Variants in UNC80 observed in about 807,000 individuals in gnomAD.
UNC80 encodes protein unc-80 homolog.
A neutral mutation model predicts 384.6 loss-of-function variants in UNC80; 164 were observed. The observed-to-expected ratio is 0.43, with a 90% confidence interval of 0.38 to 0.49. The LOEUF (loss-of-function observed/expected upper bound fraction) is 0.49, where lower values mean the gene tolerates loss of function less well. UNC80 is among the 20% of genes least tolerant of loss of function. The pLI, the probability that UNC80 is intolerant of heterozygous loss-of-function variation, is 0.00. For missense variants in UNC80, 3,330 were observed against 4,143.0 expected (o/e 0.80, Z 5.39); for synonymous variants, 1,486 against 1,527.8 (o/e 0.97, Z 0.64).
At chr2:209,842,145 C>T (rs919776603) in intron 20 of UNC80, among the ~76,000 whole-genome samples, 1 of 152,126 alleles carries the variant, frequency 6.6e-6, no homozygotes, top group Non-Finnish European at 1.5e-5. Context: ...GACCTGGTTC[C>T]TCCTTTTAGT....
In UNC80 at chr2:209,921,699, C is replaced by T; in HGVS notation, c.5530+13C>T. The T allele has an allele frequency of 6.5e-7, 1 of 1,529,678 alleles. No homozygotes were observed. The highest frequency in any genetic ancestry group is 8.8e-7 in the Non-Finnish European group (1 of 1,138,304). 94.8% of individuals were successfully genotyped at this position (1,529,678 alleles called of 1,614,324 possible). On this transcript the variant is annotated intron_variant, in intron 34 of 64. Coordinates refer to ENST00000673920, the MANE Select transcript of UNC80 (RefSeq NM_001371986.1). ...CCGGAAGAAGAAGGTGCCCTCTGCA[C>T]ACAGGACTTCTTGGGGGGCTGAGTC...
intron 25 of UNC80, among the ~76,000 whole-genome samples, chr2:209,886,537 T>G (rs1399436484): frequency 6.6e-6 from 1 of 152,206 alleles, no homozygotes; most frequent in African/African-American, 2.4e-5. Flanking sequence ...ACCAAACTTC[T>G]ATTAAGTAAT....
chr2:209,975,252 A>G (rs975497859), intron 56 of UNC80, among the ~76,000 whole-genome samples: 4 of 152,238 alleles, frequency 2.6e-5, no homozygotes, highest in Non-Finnish European at 4.4e-5. Flanking sequence ...AGAATGATCA[A>G]GAAGACCCAG....
At chr2:209,931,106 G>T in intron 38 of UNC80, 52 bp downstream of exon 38, 2 of 1,331,168 alleles carry the variant, frequency 1.5e-6, no homozygotes, top group Non-Finnish European at 2.1e-6. Flanking sequence ...TGATGAAAAG[G>T]TCTTAGAAGA....
intron 22 of UNC80, among the ~76,000 whole-genome samples, chr2:209,860,133 G>T (rs2083244275): frequency 6.6e-6 from 1 of 152,086 alleles, no homozygotes; most frequent in Non-Finnish European, 1.5e-5. Context: ...GTATTGCCTA[G>T]GTTTTCTTCT....
Position 209,888,277 on chromosome 2 carries a change from G to C in UNC80, c.4276+17G>C, listed in dbSNP as rs1422148853. On this transcript the variant is annotated intron_variant, in intron 26 of 64. Transcript: ENST00000673920. The stretch of plus-strand genomic sequence containing the variant: ...AGAAGAAAGGTATGGAAACACAAAG[G>C]TTCCTTCATGTTTCAGGGTTTCTTG... 5 of 1,550,654 alleles carry C rather than the reference G, an allele frequency of 3.2e-6. No homozygotes were observed. The highest frequency in any genetic ancestry group is 2.7e-5 in the African/African-American group (2 of 73,060).
intron 19 of UNC80, 81 bp from the exon 20 acceptor site, chr2:209,840,461 G>T: frequency 8.4e-7 from 1 of 1,197,140 alleles, no homozygotes; most frequent in Non-Finnish European, 1.2e-6. Context: ...TTCATCGCTT[G>T]TTGGGCTTAT....
chr2:209,988,770 G>A (rs13015354), intron 61 of UNC80, among the ~76,000 whole-genome samples: 9,326 of 152,130 alleles, frequency 0.061, 343 homozygotes, highest in Middle Eastern at 0.14. Context: ...GGTTTTTGTA[G>A]ATAATATGGG....
chr2:209,921,793 C>G (rs1197127681), intron 34 of UNC80, 107 bp downstream of exon 34: 1 of 1,239,864 alleles, frequency 8.1e-7, no homozygotes, highest in East Asian at 2.6e-5. Flanking sequence ...ATGCCCCCTT[C>G]CATCTCTCTC....
At chr2:209,898,177 C>A (rs1481375731) in intron 28 of UNC80, among the ~76,000 whole-genome samples, 1 of 151,916 alleles carries the variant, frequency 6.6e-6, no homozygotes, top group Non-Finnish European at 1.5e-5. Flanking sequence ...ACCAGATTTT[C>A]ATTTTGTCAT....
chr2:209,992,340 C>A, intron 62 of UNC80, 93 bp downstream of exon 62: 2 of 1,232,568 alleles, frequency 1.6e-6, no homozygotes, highest in Non-Finnish European at 2.3e-6. Flanking sequence ...TATTTTGCTG[C>A]TGGACGTGCC....
Position 209,886,039 on chromosome 2 carries a change from AG to A in UNC80, c.4111-2054del, listed in dbSNP as rs1283544831. On this transcript the variant is annotated intron_variant, in intron 25 of 64. Transcript: ENST00000673920. The stretch of plus-strand genomic sequence containing the variant: ...TGGCCTCTCAAACTGCTGGGATTAC[AG>A]GTGTGAGCCACTGTGCCCAGCCTAA... Among the ~76,000 whole-genome samples, 7 of 152,184 alleles carry A rather than the reference AG, an allele frequency of 4.6e-5. No individual in the cohort carries two copies. In the East Asian group the frequency reaches 1.3e-3, roughly 29 times the overall value.
At chr2:209,914,167 C>T (rs1306415128) in intron 31 of UNC80, among the ~76,000 whole-genome samples, 1 of 152,206 alleles carries the variant, frequency 6.6e-6, no homozygotes, top group Non-Finnish European at 1.5e-5. Flanking sequence ...ATGTCTCTCT[C>T]AGGGTGTTAC....
intron 22 of UNC80, among the ~76,000 whole-genome samples, chr2:209,858,782 CTATT>C (rs145771586): frequency 0.019 from 2,890 of 150,330 alleles, 92 homozygotes; most frequent in African/African-American, 0.067. Flanking sequence ...AAAATTTAGT[CTATT>C]TGTGCAGATT....
chr2:209,815,745 A>G (rs1032332474), intron 9 of UNC80, among the ~76,000 whole-genome samples: 5 of 152,222 alleles, frequency 3.3e-5, no homozygotes, highest in Admixed American at 2.0e-4. Context: ...CTTTATATAA[A>G]TAGTTCTCAT....
At position 209,992,000 on chromosome 2, in the gene UNC80, C is replaced by T. The variant is rs541037394; in HGVS notation, c.9315-166C>T. Among the ~76,000 whole-genome samples the T allele has an allele frequency of 3.9e-5, 6 of 152,292 alleles. No homozygotes were observed. The East Asian group carries it at 1.2e-3, about 29-fold the overall frequency. On this transcript the variant is annotated intron_variant, in intron 61 of 64. Coordinates refer to ENST00000673920, the MANE Select transcript of UNC80 (RefSeq NM_001371986.1). Reference sequence around the variant, plus strand: ...GGGGCTACAAGGCCTTGTCCTCCCTCCCAAACATTTGAAAACACCCATCCC... The same window carrying T: ...GGGGCTACAAGGCCTTGTCCTCCCTTCCAAACATTTGAAAACACCCATCCC...
chr2:209,811,332 C>T (rs980688674), intron 7 of UNC80, among the ~76,000 whole-genome samples: 1 of 152,106 alleles, frequency 6.6e-6, no homozygotes, highest in Non-Finnish European at 1.5e-5. Context: ...GCCTGGTTCA[C>T]TACTGTAAGG....
chr2:209,812,589 C>T (rs2079443446), intron 7 of UNC80, among the ~76,000 whole-genome samples: 1 of 152,242 alleles, frequency 6.6e-6, no homozygotes, highest in South Asian at 2.1e-4. Context: ...TCTTTTGCAT[C>T]ACCTAAATCA....
intron 21 of UNC80, among the ~76,000 whole-genome samples, chr2:209,847,535 A>T (rs1427974500): frequency 6.6e-6 from 1 of 151,958 alleles, no homozygotes; most frequent in Non-Finnish European, 1.5e-5. Context: ...TTATTCTGTG[A>T]AGCAAAGAAT....
Sources: gnomAD v4.1 joint callset for allele counts (sites outside exome capture counted in the v4.1 genomes callset) on GRCh38, gnomAD v4.1.1 for gene constraint, MANE v1.5 for transcripts, NCBI Gene and HGNC (gene_info 2026-07-23, HGNC 2026-07-21) for gene names.